The following ZNF385D variants were observed in gnomAD, a reference collection of about 807,000 sequenced individuals.
The protein encoded by ZNF385D is zinc finger protein 659.
ZNF385D carries 15 observed loss-of-function variants against 35.8 expected under a neutral mutation model. The observed-to-expected ratio is 0.42, with a 90% CI of 0.28 to 0.64. The LOEUF is 0.64. Ranked by LOEUF, ZNF385D falls within the 30% of genes least tolerant of loss-of-function variation. The pLI, the probability that ZNF385D is intolerant of heterozygous loss-of-function variation, is 0.23. For missense variants in ZNF385D, 474 were observed against 494.6 expected, an observed-to-expected ratio of 0.96 and a Z score of 0.39; for synonymous variants, 212 against 186.8, an observed-to-expected ratio of 1.13 and a Z score of -1.10.
At chr3:21,773,635 G>C (rs765434900) in intron 3 of ZNF385D, among the ~76,000 whole-genome samples, 4 of 151,800 alleles carry the variant, frequency 2.6e-5, no homozygotes, top group Non-Finnish European at 5.9e-5. Context: ...CTTCTCAAAA[G>C]ACTACATACA....
chr3:21,848,640 A>T (rs1696172324), intron 3 of ZNF385D, among the ~76,000 whole-genome samples: 1 of 152,052 alleles, frequency 6.6e-6, no homozygotes, highest in Non-Finnish European at 1.5e-5. Context: ...ATCTAAAAGA[A>T]ATAAACAAAT....
chr3:21,946,073 G>A (rs1389191244), intron 3 of ZNF385D, among the ~76,000 whole-genome samples: 1 of 152,130 alleles, frequency 6.6e-6, no homozygotes, highest in Non-Finnish European at 1.5e-5. Context: ...CTCAGGTCAT[G>A]GATCAATTCA....
chr3:21,586,434 A>G (rs1229297346), intron 2 of ZNF385D, among the ~76,000 whole-genome samples: 1 of 143,818 alleles, frequency 7.0e-6, no homozygotes, highest in Non-Finnish European at 1.5e-5. Flanking sequence ...GGCCAAATAA[A>G]CAGGAGAAGT....
chr3:22,235,659 A>T (rs1314319298), intron 2 of ZNF385D, among the ~76,000 whole-genome samples: 1 of 152,154 alleles, frequency 6.6e-6, no homozygotes, highest in African/African-American at 2.4e-5. Context: ...CAAACATAAA[A>T]ATATGCTCAA....
chr3:21,967,580 C>G (rs1702982833), intron 3 of ZNF385D, among the ~76,000 whole-genome samples: 1 of 152,120 alleles, frequency 6.6e-6, no homozygotes, highest in Non-Finnish European at 1.5e-5. Flanking sequence ...AATTTTCTGC[C>G]CATTGGCTTC....
chr3:21,824,024 T>C (rs578163909), intron 3 of ZNF385D, among the ~76,000 whole-genome samples: 84 of 152,196 alleles, frequency 5.5e-4, no homozygotes, highest in Non-Finnish European at 9.8e-4. Context: ...ATTTTGGGTA[T>C]AGACTGAGCA....
At chr3:22,043,303 A>C (rs992940728) in intron 3 of ZNF385D, among the ~76,000 whole-genome samples, 3 of 152,168 alleles carry the variant, frequency 2.0e-5, no homozygotes, top group Non-Finnish European at 4.4e-5. Flanking sequence ...CAAAGATTAG[A>C]GAGTGAATTA....
intron 3 of ZNF385D, among the ~76,000 whole-genome samples, chr3:22,011,649 T>C (rs1057505764): frequency 5.3e-5 from 8 of 152,278 alleles, no homozygotes; most frequent in African/African-American, 1.7e-4. Context: ...TTAATAAGTA[T>C]GGTTATAAAT....
At chr3:21,983,167 AT>A (rs370511511) in intron 3 of ZNF385D, among the ~76,000 whole-genome samples, 16 of 106,104 alleles carry the variant, frequency 1.5e-4, no homozygotes, top group Admixed American at 7.6e-4. Flanking sequence ...TTATTTTATT[AT>A]TTTTTTTTAT....
intron 2 of ZNF385D, among the ~76,000 whole-genome samples, chr3:22,336,018 A>G (rs977456121): frequency 8.5e-5 from 13 of 152,054 alleles, no homozygotes; most frequent in Non-Finnish European, 1.3e-4. Context: ...AAACAATTCA[A>G]TTCTATTCAA....
chr3:22,352,041 C>A (rs1327558939), intron 2 of ZNF385D, among the ~76,000 whole-genome samples: 1 of 152,104 alleles, frequency 6.6e-6, no homozygotes, highest in East Asian at 1.9e-4. Flanking sequence ...CTTATCTGAG[C>A]CAGCCACAAA....
intron 3 of ZNF385D, among the ~76,000 whole-genome samples, chr3:22,050,534 G>C (rs1354472498): frequency 1.3e-5 from 2 of 152,134 alleles, no homozygotes; most frequent in Non-Finnish European, 2.9e-5. Flanking sequence ...TTATTGGTCT[G>C]TTAAGATTTT....
intron 3 of ZNF385D, among the ~76,000 whole-genome samples, chr3:21,541,575 A>T (rs1186408687): frequency 2.0e-5 from 3 of 152,194 alleles, no homozygotes; most frequent in Admixed American, 2.0e-4. Context: ...AATAGACATT[A>T]ATATGAGTTA....
chr3:21,555,923 T>A (rs888600418), intron 3 of ZNF385D, among the ~76,000 whole-genome samples: 1 of 151,794 alleles, frequency 6.6e-6, no homozygotes, highest in African/African-American at 2.4e-5. Context: ...TGTGAGATGG[T>A]ATCTCATTGT....
At chr3:21,787,054 A>C (rs7653352) in intron 3 of ZNF385D, among the ~76,000 whole-genome samples, 3,389 of 152,366 alleles carry the variant, frequency 0.022, 124 homozygotes, top group African/African-American at 0.075. Flanking sequence ...CAATGAGAGC[A>C]TAGTAATAAG....
At chr3:21,604,075 G>T (rs1265571591) in intron 2 of ZNF385D, among the ~76,000 whole-genome samples, 3 of 152,178 alleles carry the variant, frequency 2.0e-5, no homozygotes, top group Non-Finnish European at 4.4e-5. Context: ...TGCTGCTTTG[G>T]TAAGCCTCCT....
intron 3 of ZNF385D, among the ~76,000 whole-genome samples, chr3:21,850,177 C>T (rs1251325380): frequency 6.6e-6 from 1 of 152,010 alleles, no homozygotes; most frequent in Non-Finnish European, 1.5e-5. Context: ...AAAATGTATA[C>T]TCACTTTATC....
In ZNF385D at chr3:21,621,554, C is replaced by CGTGTGTGTGTGTGTGTGT. The variant is rs58332425; in HGVS notation, c.165+43314_165+43331dup. On this transcript the variant is annotated intron_variant, in intron 2 of 7. Transcript: ENST00000281523. ...TGTCATCAGTTAAAAAAAAAATTCCCGTGTGTGTGTGTGTGTGTGTGTGTG... is the reference window on the plus strand; with the variant it reads ...TGTCATCAGTTAAAAAAAAAATTCCCGTGTGTGTGTGTGTGTGTGTGTGTGTGTGTGTGTGTGTGTGTG... Among the ~76,000 whole-genome samples the CGTGTGTGTGTGTGTGTGT allele has an allele frequency of 2.2e-3, 300 of 136,986 alleles. 8 individuals carry two copies. The highest frequency in any genetic ancestry group is 2.9e-3 in the Non-Finnish European group (185 of 64,598). 89.9% of individuals were successfully genotyped at this position (136,986 alleles called of 152,430 possible).
In ZNF385D at chr3:21,847,460, T is replaced by C. The variant is rs971161897; in HGVS notation, c.326-182432A>G. Reference sequence around the variant, plus strand: ...ATTTCTATGTTTTTGATAGGAACAATAGCAAAATATTCTAATGATCCAATT... The same window carrying C: ...ATTTCTATGTTTTTGATAGGAACAACAGCAAAATATTCTAATGATCCAATT... On this transcript the variant is annotated intron_variant, in intron 3 of 5. Coordinates refer to the ZNF385D transcript ENST00000494108. Among the ~76,000 whole-genome samples the C allele has an allele frequency of 7.2e-5, 11 of 152,194 alleles. No individual in the cohort carries two copies. In the South Asian group the frequency reaches 8.3e-4, roughly 11 times the overall value.
Sources: gnomAD v4.1 joint callset for allele counts (sites outside exome capture counted in the v4.1 genomes callset) on GRCh38, gnomAD v4.1.1 for gene constraint, MANE v1.5 for transcripts, NCBI Gene and HGNC (gene_info 2026-07-23, HGNC 2026-07-21) for gene names.